Variants in TBC1D14 observed in about 807,000 individuals in gnomAD.
TBC1D14 encodes the protein TBC1 domain family, member 14.
Under a neutral mutation model 79.0 loss-of-function variants are expected in TBC1D14, and 26 were observed. The observed-to-expected ratio is 0.33, with a 90% confidence interval of 0.24 to 0.46. The LOEUF is 0.46. Among genes scored for constraint, TBC1D14 ranks in the 20% least tolerant of loss-of-function variants. The pLI is 1.00. For missense variants in TBC1D14, 769 were observed against 887.6 expected (o/e 0.87, Z 1.70); for synonymous variants, 394 against 349.9 (o/e 1.13, Z -1.40).
chr4:6,993,102 T>C (rs1385659189), intron 3 of TBC1D14, among the ~76,000 whole-genome samples: 3 of 152,218 alleles, frequency 2.0e-5, no homozygotes, highest in South Asian at 4.1e-4. Flanking sequence ...ACAGCTAGTT[T>C]CCCTGAAATT....
At chr4:6,936,096 A>G (rs569461987) in intron 2 of TBC1D14, among the ~76,000 whole-genome samples, 1 of 152,316 alleles carries the variant, frequency 6.6e-6, no homozygotes, top group South Asian at 2.1e-4. Context: ...CCCTCTCATC[A>G]GCAGCCCACA....
At chr4:6,962,022 G>T (rs558599245) in intron 2 of TBC1D14, among the ~76,000 whole-genome samples, 2 of 152,342 alleles carry the variant, frequency 1.3e-5, no homozygotes, top group African/African-American at 4.8e-5. Flanking sequence ...AGCCAAGGCT[G>T]ATCGATGGGG....
At chr4:6,987,204 C>T in intron 3 of TBC1D14, 2 of 1,233,334 alleles carry the variant, frequency 1.6e-6, no homozygotes, top group South Asian at 3.3e-5. Context: ...ATTGAGCGGC[C>T]TGCCGCCCCG....
intron 2 of TBC1D14, among the ~76,000 whole-genome samples, chr4:6,941,180 CTTTT>C (rs35201238): frequency 1.1e-5 from 1 of 87,758 alleles, no homozygotes; most frequent in Non-Finnish European, 2.1e-5. Flanking sequence ...AGGAAAGCAG[CTTTT>C]TTTTTTTTTT....
chr4:7,028,656 A>G (rs1424268913), intron 13 of TBC1D14, among the ~76,000 whole-genome samples: 3 of 151,540 alleles, frequency 2.0e-5, no homozygotes, highest in African/African-American at 7.3e-5. Flanking sequence ...CAAATTCCTG[A>G]CCTCGCGATC....
chr4:6,941,180 C>CTTTTTTTTTT (rs35201238), intron 2 of TBC1D14, among the ~76,000 whole-genome samples: 3 of 87,758 alleles, frequency 3.4e-5, no homozygotes, highest in African/African-American at 1.0e-4. Context: ...AGGAAAGCAG[C>CTTTTTTTTTT]TTTTTTTTTT....
At chr4:7,015,830 CAGG>C (rs1390269507) in intron 12 of TBC1D14, among the ~76,000 whole-genome samples, 2 of 152,190 alleles carry the variant, frequency 1.3e-5, no homozygotes, top group African/African-American at 2.4e-5. Context: ...ATTCACCCCA[CAGG>C]GTGCTGTAGG....
At chr4:6,996,549 A>AT in intron 5 of TBC1D14, 142 bp downstream of exon 5, 1 of 647,786 alleles carries the variant, frequency 1.5e-6, no homozygotes, top group Non-Finnish European at 2.6e-6. Flanking sequence ...AAAAAAAAAA[A>AT]GATGCATGCG....
At chr4:7,028,448 C>T (rs1378827931) in intron 13 of TBC1D14, among the ~76,000 whole-genome samples, 1 of 148,950 alleles carries the variant, frequency 6.7e-6, no homozygotes, top group African/African-American at 2.5e-5. Flanking sequence ...TTTTTTGAGA[C>T]GGAGTCTCCA....
At chr4:6,928,164 A>G (rs1329512008) in intron 2 of TBC1D14, among the ~76,000 whole-genome samples, 1 of 152,194 alleles carries the variant, frequency 6.6e-6, no homozygotes, top group Admixed American at 6.5e-5. Context: ...GCTAAGGAGA[A>G]GTGTTTGAAC....
At chr4:7,018,610 C>G (rs1001956976) in intron 12 of TBC1D14, among the ~76,000 whole-genome samples, 2 of 152,222 alleles carry the variant, frequency 1.3e-5, no homozygotes, top group African/African-American at 2.4e-5. Flanking sequence ...TTCCAGTGCA[C>G]CCTGTACGCT....
chr4:6,921,567 C>T (rs1165660192), intron 1 of TBC1D14, among the ~76,000 whole-genome samples: 1 of 151,226 alleles, frequency 6.6e-6, no homozygotes, highest in Non-Finnish European at 1.5e-5. Context: ...GCCCTGTCGC[C>T]CAGGCTGGAG....
chr4:6,964,094 C>T (rs1405802925), intron 2 of TBC1D14, among the ~76,000 whole-genome samples: 1 of 152,298 alleles, frequency 6.6e-6, no homozygotes, highest in Non-Finnish European at 1.5e-5. Flanking sequence ...CCGTGCCCAG[C>T]CACAACTTTG....
intron 2 of TBC1D14, among the ~76,000 whole-genome samples, chr4:6,964,114 A>G (rs1351636424): frequency 6.7e-6 from 1 of 149,568 alleles, no homozygotes; most frequent in Non-Finnish European, 1.5e-5. Context: ...GATTTTTGAC[A>G]TTAATTTTTA....
intron 12 of TBC1D14, among the ~76,000 whole-genome samples, chr4:7,015,862 C>G (rs1230852522): frequency 6.6e-6 from 1 of 152,168 alleles, no homozygotes; most frequent in African/African-American, 2.4e-5. Context: ...GCGGCACCAC[C>G]CGACTCATAG....
At chr4:7,017,606 C>T (rs1560356129) in intron 12 of TBC1D14, among the ~76,000 whole-genome samples, 3 of 152,198 alleles carry the variant, frequency 2.0e-5, no homozygotes, top group African/African-American at 7.2e-5. Context: ...TTCTTCACTG[C>T]TGAGGCCTTT....
chr4:6,923,512 C>T lies in TBC1D14; in HGVS notation c.123C>T (p.Leu41=), dbSNP rs150001164. Residue 41 remains leucine, a synonymous_variant, in exon 2 of 14, where the codon CTC becomes CTT. Coordinates refer to ENST00000409757, the MANE Select transcript of TBC1D14 (RefSeq NM_020773.3). ...TCAATCTCAAGGCGCCCCGACTCCT[C>T]TCCGCGCCTGAGTACGGGCCCAAGC... ...QHVNLKAPRL[L]SAPEYGPKLK... is the part of the protein sequence containing the mutation. 1.9e-5 allele frequency: 30 copies of T among 1,614,216 alleles called. No individual in the cohort carries two copies. The African/African-American group carries it at 3.9e-4, about 21-fold the overall frequency.
chr4:6,968,704 A>ACCGCCGGGAGGAGG (rs1715934340), intron 3 of TBC1D14, among the ~76,000 whole-genome samples: 1 of 152,000 alleles, frequency 6.6e-6, no homozygotes, highest in African/African-American at 2.4e-5. Context: ...GAGGAGGCTG[A>ACCGCCGGGAGGAGG]CTGCCGGGAG....
At position 7,001,241 on chromosome 4, in the gene TBC1D14, T is replaced by A; in HGVS notation, c.1260T>A (p.Asn420Lys). ...VWSLAIGNEL[N>K]ITHELFDICL... ...GCTTAGCCATTGGCAACGAGTTAAA[T>A]ATCACCCACGGTGAGTGGCCTGCAT... The change falls in exon 7 of 14, where the codon AAT becomes AAA. Residue 420 changes from asparagine to lysine, a missense_variant. Physicochemically the swap from Asn to Lys is moderately conservative, Grantham distance 94. Around this residue, in one of 2 missense-constraint regions of TBC1D14, gnomAD observed 367 missense variants for 494.4 expected, o/e 0.74. Coordinates refer to ENST00000409757, the MANE Select transcript of TBC1D14 (RefSeq NM_020773.3). 6.2e-7 allele frequency: 1 copy of A among 1,613,862 alleles called. No individual in the cohort carries two copies. Among genetic ancestry groups the A allele is most frequent in the Non-Finnish European group, 8.5e-7 (1 of 1,179,910 alleles).
Sources: allele counts gnomAD v4.1 joint callset (sites outside exome capture counted in the v4.1 genomes callset), GRCh38; gene constraint gnomAD v4.1.1; regional missense constraint gnomAD v4.1.1; transcripts MANE v1.5; gene names NCBI Gene and HGNC (gene_info 2026-07-23, HGNC 2026-07-21).